Variants in DIP2C observed in about 807,000 individuals in gnomAD.
DIP2C encodes the protein disco-interacting protein 2 homolog C.
Under a neutral mutation model 192.4 loss-of-function variants are expected in DIP2C, and 33 were observed. The ratio of observed to expected loss-of-function variants is 0.17; its 90% CI spans 0.13 to 0.23. The LOEUF (loss-of-function observed/expected upper bound fraction) is 0.23, where lower values mean the gene tolerates loss of function less well. Among genes scored for constraint, DIP2C ranks in the 10% least tolerant of loss-of-function variants. DIP2C has a pLI of 1.00. For missense variants in DIP2C, 1,537 were observed against 2,110.1 expected, an observed-to-expected ratio of 0.73 and a Z score of 5.32; for synonymous variants, 979 against 864.1, an observed-to-expected ratio of 1.13 and a Z score of -2.33.
rs543250011 is a variant in DIP2C at position 483,292 on chromosome 10, CAAGA to C, written c.157+3163_157+3166del. On this transcript the variant is annotated intron_variant, in intron 2 of 36. Coordinates refer to ENST00000280886, the MANE Select transcript of DIP2C (RefSeq NM_014974.3). Reference sequence around the variant, plus strand: ...GCAAGTGCGCAGCAGCACAGGGGAACAAGAAAGAAAGATGTTTTCCACGAAGATC... The same window carrying C: ...GCAAGTGCGCAGCAGCACAGGGGAACAAGAAAGATGTTTTCCACGAAGATC... Among the ~76,000 whole-genome samples the C allele has an allele frequency of 8.6e-3, 1,311 of 152,326 alleles. 7 individuals carry two copies. Among genetic ancestry groups the C allele is most frequent in the Non-Finnish European group, 0.014 (922 of 68,036 alleles).
intron 1 of DIP2C, among the ~76,000 whole-genome samples, chr10:579,724 CAAT>C (rs1227362040): frequency 6.6e-6 from 1 of 152,036 alleles, no homozygotes; most frequent in Non-Finnish European, 1.5e-5. Flanking sequence ...ACATCCATAT[CAAT>C]ACAGCATACA....
intron 2 of DIP2C, among the ~76,000 whole-genome samples, chr10:485,470 A>C (rs1418301881): frequency 3.3e-5 from 5 of 152,336 alleles, no homozygotes; most frequent in African/African-American, 9.6e-5. Context: ...AGCAAGGTCC[A>C]CAGAAACATG....
chr10:488,633 G>A (rs1170796566), intron 1 of DIP2C, among the ~76,000 whole-genome samples: 1 of 152,106 alleles, frequency 6.6e-6, no homozygotes, highest in Non-Finnish European at 1.5e-5. Flanking sequence ...TAACCTGCCT[G>A]GGAAGTGCCC....
intron 3 of DIP2C, among the ~76,000 whole-genome samples, chr10:450,747 A>T (rs1178202140): frequency 6.6e-6 from 1 of 152,176 alleles, no homozygotes; most frequent in Non-Finnish European, 1.5e-5. Flanking sequence ...GAGCTTCCCA[A>T]GAGAAAACAG....
intron 9 of DIP2C, among the ~76,000 whole-genome samples, chr10:407,166 C>G (rs1017253876): frequency 6.6e-6 from 1 of 152,224 alleles, no homozygotes; most frequent in Non-Finnish European, 1.5e-5. Context: ...CAAATCGGCT[C>G]TGGCCAGGCA....
At chr10:611,234 G>A (rs1029096513) in intron 1 of DIP2C, among the ~76,000 whole-genome samples, 1 of 152,132 alleles carries the variant, frequency 6.6e-6, no homozygotes, top group Non-Finnish European at 1.5e-5. Context: ...AGACGTGCCT[G>A]CCTCCCCTTC....
intron 1 of DIP2C, among the ~76,000 whole-genome samples, chr10:575,962 A>AC (rs1301089871): frequency 1.3e-5 from 2 of 151,846 alleles, no homozygotes; most frequent in African/African-American, 2.4e-5. Flanking sequence ...CACATCCCCC[A>AC]CCTCCTTGCA....
intron 3 of DIP2C, among the ~76,000 whole-genome samples, chr10:471,929 C>CGGG (rs1489034581): frequency 6.6e-6 from 1 of 152,148 alleles, no homozygotes; most frequent in Non-Finnish European, 1.5e-5. Flanking sequence ...CCTAAGTTTT[C>CGGG]TGTTGCTAAA....
intron 1 of DIP2C, among the ~76,000 whole-genome samples, chr10:512,470 G>A (rs921028161): frequency 9.9e-5 from 15 of 152,158 alleles, no homozygotes; most frequent in Non-Finnish European, 1.5e-4. Context: ...AGCTACTCAG[G>A]GTGCTGAGGT....
At chr10:531,119 C>T (rs957191688) in intron 1 of DIP2C, among the ~76,000 whole-genome samples, 38 of 152,298 alleles carry the variant, frequency 2.5e-4, no homozygotes, top group African/African-American at 8.4e-4. Flanking sequence ...GGTCGTGACG[C>T]GCTGAGTCCA....
At chr10:336,852 G>A (rs1424923413) in intron 29 of DIP2C, among the ~76,000 whole-genome samples, 2 of 151,328 alleles carry the variant, frequency 1.3e-5, no homozygotes, top group East Asian at 1.9e-4. Flanking sequence ...GTGTTGTGGA[G>A]GCCTAGACTG....
At chr10:534,665 A>ATT (rs1185714723) in intron 1 of DIP2C, among the ~76,000 whole-genome samples, 6 of 123,876 alleles carry the variant, frequency 4.8e-5, no homozygotes, top group Middle Eastern at 4.1e-3. Flanking sequence ...CTGCTGGATG[A>ATT]TTATTATTTT....
intron 10 of DIP2C, 117 bp from the exon 11 acceptor site, chr10:390,980 C>G: frequency 1.4e-6 from 2 of 1,435,030 alleles, no homozygotes; most frequent in Non-Finnish European, 1.9e-6. Context: ...GGATCCAACC[C>G]CCAGCCCTGC....
chr10:573,707 CT>C (rs574697446), intron 1 of DIP2C, among the ~76,000 whole-genome samples: 3 of 150,886 alleles, frequency 2.0e-5, no homozygotes, highest in African/African-American at 4.9e-5. Flanking sequence ...ATCACGCCGG[CT>C]TTTTTTTTCC....
intron 1 of DIP2C, among the ~76,000 whole-genome samples, chr10:626,747 T>C (rs572011435): frequency 7.3e-6 from 1 of 136,322 alleles, no homozygotes; most frequent in Non-Finnish European, 1.5e-5. Flanking sequence ...TCACGCCGAT[T>C]GTCAGGCCCT....
chr10:635,557 A>C (rs566830411), intron 1 of DIP2C, among the ~76,000 whole-genome samples: 38 of 152,248 alleles, frequency 2.5e-4, no homozygotes, highest in Non-Finnish European at 4.7e-4. Flanking sequence ...TCCTCATCCA[A>C]CAGAAGCAGA....
rs541157679 is a variant in DIP2C at position 572,701 on chromosome 10, T to C, written c.86-86171A>G. Among the ~76,000 whole-genome samples, 5 of 152,124 alleles carry C rather than the reference T, an allele frequency of 3.3e-5. No homozygotes were observed. In the East Asian group the frequency reaches 9.7e-4, roughly 29 times the overall value. On this transcript the variant is annotated intron_variant, in intron 1 of 36. Transcript: ENST00000280886. ...CTTCTCCATAATAGACAAAAAAAAG[T>C]TTTTTAAAATGACTTCCATTCATCT... is the stretch of plus-strand genomic sequence containing the variant.
chr10:677,755 G>A (rs1830923732), intron 1 of DIP2C, among the ~76,000 whole-genome samples: 1 of 152,228 alleles, frequency 6.6e-6, no homozygotes, highest in Non-Finnish European at 1.5e-5. Flanking sequence ...AACAGGGGAT[G>A]GTGAAACATA....
intron 10 of DIP2C, among the ~76,000 whole-genome samples, chr10:392,314 G>A (rs1379324652): frequency 1.3e-5 from 2 of 152,160 alleles, no homozygotes; most frequent in East Asian, 1.9e-4. Flanking sequence ...ACGGAGGAAC[G>A]GCTGAGGCCA....
Sources: gnomAD v4.1 joint callset for allele counts (sites outside exome capture counted in the v4.1 genomes callset) on GRCh38, gnomAD v4.1.1 for gene constraint, MANE v1.5 for transcripts, NCBI Gene and HGNC (gene_info 2026-07-23, HGNC 2026-07-21) for gene names.